Variants in TARBP1 observed in about 807,000 individuals in gnomAD.
The protein encoded by TARBP1 is tRNA guanosine 2 -O-methyltransferase TARBP1.
A neutral mutation model predicts 178.6 loss-of-function variants in TARBP1; 144 were observed. The observed-to-expected ratio is 0.81, with a 90% CI of 0.70 to 0.93. The LOEUF (loss-of-function observed/expected upper bound fraction) is 0.93. TARBP1 is among the 40% of genes least tolerant of loss of function. The probability of loss-of-function intolerance (pLI) is 0.00; values close to 1 mark genes in which losing one functional copy is unlikely to be tolerated. For missense variants in TARBP1, 2,067 were observed against 2,011.7 expected (o/e 1.03, Z -0.53); for synonymous variants, 787 against 781.0 (o/e 1.01, Z -0.13).
At chr1:234,471,126 A>T in intron 3 of TARBP1, 62 bp downstream of exon 3, 1 of 1,212,466 alleles carries the variant, frequency 8.2e-7, no homozygotes, top group Non-Finnish European at 1.2e-6. Flanking sequence ...AACAGGAATT[A>T]GTTACAAAAT....
intron 21 of TARBP1, 69 bp from the exon 22 acceptor site, chr1:234,418,302 A>C: frequency 7.3e-7 from 1 of 1,368,450 alleles, no homozygotes; most frequent in Non-Finnish European, 9.8e-7. Flanking sequence ...TCTCCATTTA[A>C]AATAAAATAG....
chr1:234,475,778 G>C (rs1301579812), intron 1 of TARBP1, among the ~76,000 whole-genome samples: 1 of 152,234 alleles, frequency 6.6e-6, no homozygotes, highest in Non-Finnish European at 1.5e-5. Context: ...ACGAAGCCTT[G>C]GCTGAAGACC....
chr1:234,458,716 G>T (rs982852163), intron 8 of TARBP1, among the ~76,000 whole-genome samples: 6 of 152,176 alleles, frequency 3.9e-5, no homozygotes, highest in African/African-American at 1.4e-4. Flanking sequence ...CGATACAGGG[G>T]AAGATGAGGG....
intron 8 of TARBP1, among the ~76,000 whole-genome samples, chr1:234,458,390 G>A (rs1667508232): frequency 6.6e-6 from 1 of 152,068 alleles, no homozygotes; most frequent in Non-Finnish European, 1.5e-5. Context: ...ATGAGCCCCT[G>A]ACTCAGAAAA....
intron 9 of TARBP1, among the ~76,000 whole-genome samples, chr1:234,456,248 T>C (rs1337335997): frequency 6.6e-6 from 1 of 152,262 alleles, no homozygotes; most frequent in East Asian, 1.9e-4. Context: ...TCGTGCACGC[T>C]GGAGTGCAGT....
intron 9 of TARBP1, among the ~76,000 whole-genome samples, chr1:234,455,638 C>A (rs1044512750): frequency 3.3e-5 from 5 of 151,924 alleles, no homozygotes; most frequent in African/African-American, 1.2e-4. Flanking sequence ...GGGTGGAGTA[C>A]GATAAGGATC....
At chr1:234,467,804 C>T (rs559181289) in intron 3 of TARBP1, among the ~76,000 whole-genome samples, 154 bp from the exon 4 acceptor site, 1 of 152,280 alleles carries the variant, frequency 6.6e-6, no homozygotes, top group South Asian at 2.1e-4. Flanking sequence ...CAGGTTCTCA[C>T]TGTGTCACCC....
In TARBP1 at chr1:234,429,309, C is replaced by G; in HGVS notation, c.2887G>C (p.Glu963Gln). ...TCAAAAGACTCTATGCAGAGTGATTCAGAGGAAGTCAGAAGCTGGTAGGAA... is the reference window on the plus strand; with the variant it reads ...TCAAAAGACTCTATGCAGAGTGATTGAGAGGAAGTCAGAAGCTGGTAGGAA... ...VLVPKLLTSS[E>Q]SLCIESFDMA... The change falls in exon 17 of 30, where the codon GAA becomes CAA. Residue 963 changes from glutamate to glutamine, a missense_variant. Physicochemically the swap from Glu to Gln is conservative, Grantham distance 29 (BLOSUM62 2). Coordinates refer to ENST00000040877, the MANE Select transcript of TARBP1 (RefSeq NM_005646.4). 1.3e-6 allele frequency: 2 copies of G among 1,574,306 alleles called. No individual in the cohort carries two copies. The highest frequency in any genetic ancestry group is 2.1e-5 in the Admixed American group (1 of 47,572).
chr1:234,441,701 G>A (rs759899423), intron 12 of TARBP1, among the ~76,000 whole-genome samples: 19 of 152,050 alleles, frequency 1.2e-4, no homozygotes, highest in Non-Finnish European at 2.4e-4. Context: ...TTAAATCATC[G>A]GGCCCTTAAC....
At chr1:234,456,363 G>A (rs973155035) in intron 9 of TARBP1, among the ~76,000 whole-genome samples, 3 of 152,150 alleles carry the variant, frequency 2.0e-5, no homozygotes, top group South Asian at 2.1e-4. Context: ...ACCATGCCCC[G>A]ATAATTTTTG....
In TARBP1 at chr1:234,418,946, G is replaced by T. The variant is rs1248604614; in HGVS notation, c.3556-713C>A. Among the ~76,000 whole-genome samples the T allele has an allele frequency of 3.9e-5, 6 of 152,322 alleles. No homozygotes were observed. In the East Asian group the frequency reaches 9.6e-4, roughly 24 times the overall value. ...CCAGCACTTTGGGAGGCCGAGGCGG[G>T]CGGATCACAAGGTCAGAAGATCGAG... On this transcript the variant is annotated intron_variant, in intron 21 of 29. Transcript: ENST00000040877.
In TARBP1 at chr1:234,457,746, G is replaced by T; in HGVS notation, c.1643C>A (p.Ser548Ter). 6.2e-7 allele frequency: 1 copy of T among 1,607,892 alleles called. No individual in the cohort carries two copies. Among genetic ancestry groups the T allele is most frequent in the South Asian group, 1.1e-5 (1 of 90,510 alleles). The change falls in exon 9 of 30, where the codon TCA becomes TAA. Residue 548 changes from serine (S) to a stop codon, truncating the protein, a stop_gained. Coordinates refer to ENST00000040877, the MANE Select transcript of TARBP1 (RefSeq NM_005646.4). LOFTEE classifies it high-confidence loss of function. ...GAGAAAAGTTGAGACATCAGAAAGTGACACTTTCTCCTGGGCAGGGCAGGA... is the reference window on the plus strand; with the variant it reads ...GAGAAAAGTTGAGACATCAGAAAGTTACACTTTCTCCTGGGCAGGGCAGGA... The part of the protein sequence containing the change: ...AMNLLDVEKV[S>*]LSDVSTFLMS...
At chr1:234,417,787 A>G (rs1662601501) in intron 22 of TARBP1, among the ~76,000 whole-genome samples, 1 of 152,196 alleles carries the variant, frequency 6.6e-6, no homozygotes, top group Non-Finnish European at 1.5e-5. Flanking sequence ...AAACAAAGAC[A>G]TTGCTTGGTA....
intron 20 of TARBP1, among the ~76,000 whole-genome samples, chr1:234,425,166 A>C (rs1453799547): frequency 6.6e-6 from 1 of 152,094 alleles, no homozygotes; most frequent in Non-Finnish European, 1.5e-5. Flanking sequence ...CGGAGGTTGC[A>C]GTGAGCCGAG....
chr1:234,477,657 G>A (rs1669690612), intron 1 of TARBP1, among the ~76,000 whole-genome samples: 1 of 152,198 alleles, frequency 6.6e-6, no homozygotes, highest in African/African-American at 2.4e-5. Context: ...TCAAAAGGTC[G>A]ACTTAAGAAA....
chr1:234,440,978 G>GTTTGAGAC (rs931643243), intron 12 of TARBP1, among the ~76,000 whole-genome samples: 1 of 152,174 alleles, frequency 6.6e-6, no homozygotes, highest in African/African-American at 2.4e-5. Flanking sequence ...GAGGTCAGGA[G>GTTTGAGAC]TTTGAGACCA....
In TARBP1 at chr1:234,465,681, G is replaced by C; in HGVS notation, c.1276C>G (p.Leu426Val). ...EFIIGPLMDALSESSLYSRSP... is the reference protein window; with the variant it reads ...EFIIGPLMDAVSESSLYSRSP... ...CTGCTATACAGAGAGCTCTCTGAAA[G>C]CGCATCCATTAATGGTCCAATAATA... The change falls in exon 5 of 30, where the codon CTT becomes GTT. Residue 426 changes from leucine to valine, a missense_variant. Transcript: ENST00000040877. 6.4e-7 allele frequency: 1 copy of C among 1,570,568 alleles called. No homozygotes were observed. Among genetic ancestry groups the C allele is most frequent in the African/African-American group, 1.4e-5 (1 of 70,094 alleles).
At chr1:234,463,614 C>T (rs1668130530) in intron 6 of TARBP1, among the ~76,000 whole-genome samples, 1 of 152,130 alleles carries the variant, frequency 6.6e-6, no homozygotes, top group African/African-American at 2.4e-5. Flanking sequence ...AAAATTACCT[C>T]CATGCTACTC....
At chr1:234,400,555 C>G (rs12565952) in intron 25 of TARBP1, among the ~76,000 whole-genome samples, 20 of 152,158 alleles carry the variant, frequency 1.3e-4, no homozygotes, top group Middle Eastern at 6.8e-3. Flanking sequence ...AGGAAAAGCC[C>G]TAGGTCAGTG....
Sources: allele counts gnomAD v4.1 joint callset (sites outside exome capture counted in the v4.1 genomes callset), GRCh38; gene constraint gnomAD v4.1.1; transcripts MANE v1.5; gene names NCBI Gene and HGNC (gene_info 2026-07-23, HGNC 2026-07-21).